C10orf90: variants seen among roughly 807,000 people sequenced by gnomAD.
C10orf90 encodes (E2-independent) E3 ubiquitin-conjugating enzyme FATS.
A neutral mutation model predicts 62.5 loss-of-function variants in C10orf90; 56 were observed. That is an observed-to-expected ratio of 0.90 (90% CI 0.72 to 1.12). C10orf90 has a LOEUF of 1.12. Among genes scored for constraint, C10orf90 ranks in the 50% most tolerant of loss-of-function variants. The pLI, the probability that C10orf90 is intolerant of heterozygous loss-of-function variation, is 0.00. For missense variants in C10orf90, 970 were observed against 880.4 expected (o/e 1.10, Z -1.29); for synonymous variants, 386 against 340.4 (o/e 1.13, Z -1.47).
intron 2 of C10orf90, among the ~76,000 whole-genome samples, chr10:126,526,665 T>C (rs1863958953): frequency 6.6e-6 from 1 of 152,172 alleles, no homozygotes; most frequent in African/African-American, 2.4e-5. Context: ...CATCACCAAA[T>C]TCCAGAACAT....
intron 2 of C10orf90, among the ~76,000 whole-genome samples, chr10:126,555,715 A>T (rs1864754050): frequency 6.6e-6 from 1 of 150,560 alleles, no homozygotes; most frequent in South Asian, 2.1e-4. Context: ...TAAATAAATA[A>T]ATAAAAATTA....
intron 4 of C10orf90, among the ~76,000 whole-genome samples, chr10:126,474,259 G>A (rs1038973389): frequency 2.6e-5 from 4 of 152,144 alleles, no homozygotes; most frequent in South Asian, 2.1e-4. Context: ...CCATGACCAC[G>A]GGTGCTGAAA....
In C10orf90 at chr10:126,552,606, G is replaced by A. The variant is rs184989841; in HGVS notation, c.314-38667C>T. On this transcript the variant is annotated intron_variant, in intron 2 of 9. Coordinates refer to ENST00000488181, the MANE Select transcript of C10orf90 (RefSeq NM_001350921.2). ...AAAGGATACTCACCCAAGATGCTAT[G>A]CCATCCCCACCACCTGCAGCCCGAT... Among the ~76,000 whole-genome samples, 119 of 152,322 alleles carry A rather than the reference G, an allele frequency of 7.8e-4. 2 individuals are homozygous for A. Among genetic ancestry groups the A allele is most frequent in the African/African-American group, 2.7e-3 (114 of 41,572 alleles).
chr10:126,587,382 A>T (rs1844894521), intron 2 of C10orf90, among the ~76,000 whole-genome samples: 1 of 152,184 alleles, frequency 6.6e-6, no homozygotes, highest in South Asian at 2.1e-4. Flanking sequence ...TGGAGGTCTG[A>T]GGTCAGGGTG....
intron 1 of C10orf90, among the ~76,000 whole-genome samples, chr10:126,663,899 T>C (rs1189525798): frequency 6.6e-6 from 1 of 152,150 alleles, no homozygotes. Context: ...GGCCATGCAA[T>C]CTTCCATAAG....
Position 126,453,568 on chromosome 10 carries a change from G to A in C10orf90, c.2188+5472C>T, listed in dbSNP as rs1859339988. On this transcript the variant is annotated intron_variant, in intron 7 of 9. Transcript: ENST00000488181. The surrounding 1 kb of genome is among the most constrained non-coding windows in gnomAD (Gnocchi z 4.9). ...TGAGAGAGCCATGGAAGAGGACCCG[G>A]ACAGGCGTCCTCAGAGGGGGAAATG... 1.3e-5 allele frequency among the ~76,000 whole-genome samples: 2 copies of A among 152,174 alleles called. No homozygotes were observed.
In C10orf90 at chr10:126,576,696, T is replaced by TATGTATATATATACAAGATATACATATAC. The variant is rs1281832882; in HGVS notation, c.314-62758_314-62757insGTATATGTATATCTTGTATATATATACAT. ...ATGTATACATATACATATACATGTA[T>TATGTATATATATACAAGATATACATATAC]ATGTATATGTATATATATACAAGAT... On this transcript the variant is annotated intron_variant, in intron 2 of 9. Coordinates refer to ENST00000488181, the MANE Select transcript of C10orf90 (RefSeq NM_001350921.2). 7.8e-5 allele frequency among the ~76,000 whole-genome samples: 2 copies of TATGTATATATATACAAGATATACATATAC among 25,690 alleles called. 1 individual carries two copies. Among genetic ancestry groups the TATGTATATATATACAAGATATACATATAC allele is most frequent in the African/African-American group, 6.3e-4 (2 of 3,150 alleles). The allele number at this position is 25,690 out of a possible 152,430, so 16.9% of individuals were successfully genotyped here.
At chr10:126,585,272 A>AG (rs1287082381) in intron 2 of C10orf90, among the ~76,000 whole-genome samples, 31 of 151,254 alleles carry the variant, frequency 2.0e-4, no homozygotes, top group Admixed American at 7.3e-4. Context: ...AAAGAAAGAA[A>AG]GAAAAAGAAA....
chr10:126,433,282 G>C (rs1203458440), intron 7 of C10orf90, among the ~76,000 whole-genome samples: 1 of 152,194 alleles, frequency 6.6e-6, no homozygotes, highest in Non-Finnish European at 1.5e-5. Context: ...AGCCCAGGAT[G>C]AGAATGAGGT....
rs1564828201 is a variant in C10orf90 at position 126,490,043 on chromosome 10, T to TATATAA, written c.1534+13913_1534+13914insTTATAT. Among the ~76,000 whole-genome samples the TATATAA allele has an allele frequency of 4.0e-3, 311 of 76,890 alleles. 1 individual carries two copies. Among genetic ancestry groups the TATATAA allele is most frequent in the African/African-American group, 0.012 (278 of 22,830 alleles). 50.4% of individuals were successfully genotyped at this position (76,890 alleles called of 152,430 possible). ...TATAATATATAATATATAATATATA[T>TATATAA]TATATATTATGTTATATAATATATA... On this transcript the variant is annotated intron_variant, in intron 4 of 9. Transcript: ENST00000488181.
chr10:126,617,790 A>G (rs2133811379), intron 2 of C10orf90, among the ~76,000 whole-genome samples: 1 of 152,300 alleles, frequency 6.6e-6, no homozygotes, highest in East Asian at 1.9e-4. Flanking sequence ...TCTCTACAGT[A>G]AAAAAAGCAT....
At position 126,565,588 on chromosome 10, in the gene C10orf90, C is replaced by T. The variant is rs541882281; in HGVS notation, c.314-51649G>A. On this transcript the variant is annotated intron_variant, in intron 2 of 9. Coordinates refer to ENST00000488181, the MANE Select transcript of C10orf90 (RefSeq NM_001350921.2). ...GAAAACTGGCACGTTTCCAGTGAAA[C>T]GAGAAACTTCGCACTCTGCGGTCCA... is the stretch of plus-strand genomic sequence containing the variant. Among the ~76,000 whole-genome samples, 56 of 150,600 alleles carry T rather than the reference C, an allele frequency of 3.7e-4. No individual in the cohort carries two copies. In the East Asian group the frequency reaches 3.7e-3, roughly 10 times the overall value.
At chr10:126,645,396 C>T (rs1422133848) in intron 2 of C10orf90, among the ~76,000 whole-genome samples, 1 of 143,846 alleles carries the variant, frequency 7.0e-6, no homozygotes, top group Non-Finnish European at 1.5e-5. Context: ...GGCAAGATCC[C>T]CTCTCTACCA....
At chr10:126,554,392 A>G (rs1864711324) in intron 2 of C10orf90, among the ~76,000 whole-genome samples, 1 of 152,156 alleles carries the variant, frequency 6.6e-6, no homozygotes, top group South Asian at 2.1e-4. Context: ...TGGATGAGGA[A>G]AGCCTTCGGA....
At chr10:126,579,071 T>A (rs11245052) in intron 2 of C10orf90, among the ~76,000 whole-genome samples, 46,413 of 142,420 alleles carry the variant, frequency 0.33, 7,739 homozygotes, top group Non-Finnish European at 0.4. Flanking sequence ...AGTTTTTTTT[T>A]AAAAAAAAAA....
At chr10:126,576,032 A>G (rs1180023575) in intron 2 of C10orf90, among the ~76,000 whole-genome samples, 1 of 152,104 alleles carries the variant, frequency 6.6e-6, no homozygotes, top group African/African-American at 2.4e-5. Context: ...AATGAATAAG[A>G]CCTCAAGGGT....
chr10:126,521,463 G>T, intron 2 of C10orf90: 1 of 1,485,974 alleles, frequency 6.7e-7, no homozygotes, highest in Non-Finnish European at 8.9e-7. Context: ...CCACCTTCCA[G>T]CCTCGGCCAA....
intron 4 of C10orf90, among the ~76,000 whole-genome samples, chr10:126,473,258 A>G: frequency 6.6e-6 from 1 of 152,132 alleles, no homozygotes; most frequent in African/African-American, 2.4e-5. Context: ...CATGCCTATT[A>G]CTCAGAATCA....
intron 7 of C10orf90, among the ~76,000 whole-genome samples, chr10:126,444,806 A>G (rs929677193): frequency 1.3e-5 from 2 of 152,206 alleles, no homozygotes; most frequent in Non-Finnish European, 2.9e-5. Flanking sequence ...ACAGCATGGT[A>G]CTGGTATAAA....
Sources: gnomAD v4.1 joint callset for allele counts (sites outside exome capture counted in the v4.1 genomes callset) on GRCh38, gnomAD v4.1.1 for gene constraint, Gnocchi (gnomAD v3.1) non-coding constraint, MANE v1.5 for transcripts, NCBI Gene and HGNC (gene_info 2026-07-23, HGNC 2026-07-21) for gene names.